EPB41L1: variants seen among roughly 807,000 people sequenced by gnomAD.
EPB41L1 encodes the protein erythrocyte membrane protein band 4.1 like 1, also known as band 4.1-like protein 1.
EPB41L1 carries 29 observed loss-of-function variants against 97.8 expected under a neutral mutation model. The ratio of observed to expected loss-of-function variants is 0.30; its 90% CI spans 0.22 to 0.40. The LOEUF is 0.40. Among genes scored for constraint, EPB41L1 ranks in the 10% least tolerant of loss-of-function variants. The pLI, the probability that EPB41L1 is intolerant of heterozygous loss-of-function variation, is 1.00. For synonymous variants in EPB41L1, 383 were observed against 459.2 expected, an observed-to-expected ratio of 0.83 and a Z score of 2.12; for missense variants, 812 against 1,162.3, an observed-to-expected ratio of 0.70 and a Z score of 4.38.
intron 12 of EPB41L1, 32 bp downstream of exon 12, chr20:36,194,392 CT>C (rs2062094748): frequency 6.3e-7 from 1 of 1,576,896 alleles, no homozygotes; most frequent in African/African-American, 1.4e-5. Context: ...ACTCTCTGCC[CT>C]GGGGATCAGG....
chr20:36,109,651 CAA>C (rs2058322554), intron 1 of EPB41L1: 1 of 152,178 alleles, frequency 6.6e-6, no homozygotes, highest in African/African-American at 2.4e-5. Flanking sequence ...TATGATACCT[CAA>C]GAGATTGCTT....
chr20:36,092,790 C>A lies in EPB41L1; in HGVS notation c.-65+1178C>A. On this transcript the variant is annotated intron_variant, in intron 1 of 19. Transcript: ENST00000202028. The surrounding 1 kb of genome is among the most constrained non-coding windows in gnomAD (Gnocchi z 7.0). ...CCAGGACCGCGAGCCAGACAGCTCCCGGAAGCCGCGCCGCCGCCGCCAGGT... is the reference window on the plus strand; with the variant it reads ...CCAGGACCGCGAGCCAGACAGCTCCAGGAAGCCGCGCCGCCGCCGCCAGGT... 6.5e-6 allele frequency: 1 copy of A among 152,804 alleles called. No homozygotes were observed. Among genetic ancestry groups the A allele is most frequent in the South Asian group, 1.9e-4 (1 of 5,322 alleles). 9.5% of individuals were successfully genotyped at this position (152,804 alleles called of 1,614,324 possible). A position where few individuals can be genotyped will look rare whatever the true frequency, so the allele number is the denominator to read the frequency against.
intron 1 of EPB41L1, among the ~76,000 whole-genome samples, chr20:36,167,242 G>C (rs1036024304): frequency 3.9e-5 from 6 of 152,126 alleles, no homozygotes; most frequent in African/African-American, 1.4e-4. Flanking sequence ...AAGAACAGAC[G>C]GAAAGCCAAT....
chr20:36,141,260 G>A (rs934295420), intron 2 of EPB41L1, among the ~76,000 whole-genome samples: 6 of 152,216 alleles, frequency 3.9e-5, no homozygotes, highest in African/African-American at 1.4e-4. Flanking sequence ...GGAGGGCTAA[G>A]TGAAACATGT....
In EPB41L1 at chr20:36,093,909, TG is replaced by T. The variant is rs2057748223; in HGVS notation, c.-65+2300del. Reference sequence around the variant, plus strand: ...TCACCCGTGCAGGGCTCTGGGTGGGTGGGAAGGTAGGTGGGTAGAAGCTCAG... The same window carrying T: ...TCACCCGTGCAGGGCTCTGGGTGGGTGGAAGGTAGGTGGGTAGAAGCTCAG... On this transcript the variant is annotated intron_variant, in intron 1 of 19. Coordinates refer to the EPB41L1 transcript ENST00000202028. The surrounding 1 kb of genome is among the most constrained non-coding windows in gnomAD (Gnocchi z 5.4). Among the ~76,000 whole-genome samples the T allele has an allele frequency of 6.6e-6, 1 of 150,378 alleles. No homozygotes were observed. Among genetic ancestry groups the T allele is most frequent in the Admixed American group, 6.6e-5 (1 of 15,132 alleles).
chr20:36,113,687 C>T (rs2058494584), intron 2 of EPB41L1: 2 of 152,596 alleles, frequency 1.3e-5, no homozygotes, highest in African/African-American at 4.8e-5. Flanking sequence ...AATCCTCTGT[C>T]CACAGCCACA....
At chr20:36,167,038 C>A (rs2060767047) in intron 1 of EPB41L1, among the ~76,000 whole-genome samples, 2 of 151,908 alleles carry the variant, frequency 1.3e-5, no homozygotes, top group African/African-American at 4.8e-5. Flanking sequence ...TTAACAATGG[C>A]AAAATGAAAC....
intron 2 of EPB41L1, among the ~76,000 whole-genome samples, chr20:36,127,062 C>T (rs1462388191): frequency 6.6e-6 from 1 of 152,184 alleles, no homozygotes; most frequent in Admixed American, 6.5e-5. Context: ...CGGGAGGGCC[C>T]CCGCAGACTG....
Position 36,198,117 on chromosome 20 carries a change from C to T in EPB41L1, c.1668+76C>T, listed in dbSNP as rs2062305851. The T allele has an allele frequency of 3.8e-6, 5 of 1,311,356 alleles. 1 individual carries two copies. The East Asian group carries it at 1.2e-4, about 32-fold the overall frequency. The allele number at this position is 1,311,356 out of a possible 1,614,324, so 81.2% of individuals were successfully genotyped here. ...GGGTTGCTGCATCCTGACTTACACTCATCCTCCACACCAATATGCTTCCCC... is the reference window on the plus strand; with the variant it reads ...GGGTTGCTGCATCCTGACTTACACTTATCCTCCACACCAATATGCTTCCCC... On this transcript the variant is annotated intron_variant, in intron 14 of 21. Transcript: ENST00000338074.
chr20:36,225,206 T>C (rs949623790), intron 21 of EPB41L1, among the ~76,000 whole-genome samples: 2 of 152,258 alleles, frequency 1.3e-5, no homozygotes, highest in Non-Finnish European at 2.9e-5. Flanking sequence ...AGGTTGGCCA[T>C]GGGCGGAGCC....
chr20:36,219,903 CTG>C (rs2063678241), intron 19 of EPB41L1, 59 bp downstream of exon 19: 1 of 1,451,212 alleles, frequency 6.9e-7, no homozygotes, highest in Admixed American at 1.7e-5. Flanking sequence ...AAGGTCATGA[CTG>C]TTGTTCTGCT....
intron 2 of EPB41L1, among the ~76,000 whole-genome samples, chr20:36,125,051 G>T (rs1158563539): frequency 6.6e-6 from 1 of 152,116 alleles, no homozygotes; most frequent in Non-Finnish European, 1.5e-5. Flanking sequence ...TCATTGCTGG[G>T]CCATTAATGT....
Position 36,122,244 on chromosome 20 carries a change from CT to C in EPB41L1, c.-10+9765del, listed in dbSNP as rs1428223181. ...ATAAGTTCCTGGGTCTCTTGCCCAA[CT>C]GACGCAAACAGCCTATAGGTTGAGT... On this transcript the variant is annotated intron_variant, in intron 2 of 19. Coordinates refer to the EPB41L1 transcript ENST00000202028. Among the ~76,000 whole-genome samples the C allele has an allele frequency of 3.3e-5, 5 of 152,340 alleles. No homozygotes were observed. The East Asian group carries it at 9.6e-4, about 29-fold the overall frequency.
intron 2 of EPB41L1, among the ~76,000 whole-genome samples, chr20:36,145,462 T>C: frequency 6.7e-6 from 1 of 149,946 alleles, no homozygotes; most frequent in East Asian, 2.0e-4. Flanking sequence ...TTTAGAATCA[T>C]CCCTGTTTCC....
chr20:36,155,291 G>A (rs2060246989), intron 1 of EPB41L1: 1 of 413,768 alleles, frequency 2.4e-6, no homozygotes, highest in Admixed American at 2.7e-5. Context: ...CTGGGATGCT[G>A]GCGAGCCCTT....
chr20:36,098,345 C>T (rs535430375), intron 1 of EPB41L1, among the ~76,000 whole-genome samples: 8 of 152,314 alleles, frequency 5.3e-5, no homozygotes, highest in Non-Finnish European at 1.0e-4. Context: ...TCATGAAGCA[C>T]GCAAACCAGG....
At chr20:36,198,255 A>C (rs1379805364) in intron 14 of EPB41L1, among the ~76,000 whole-genome samples, 2 of 152,044 alleles carry the variant, frequency 1.3e-5, no homozygotes, top group Non-Finnish European at 2.9e-5. Flanking sequence ...AAACATGAAA[A>C]ACTCAAGACT....
At position 36,232,777 on chromosome 20, in the gene EPB41L1, A is replaced by C. The variant is rs2147273961; in HGVS notation, c.*3437A>C. ...TTGTATACTCAATATAAGTGAAATA[A>C]ATGTGTTTGATGCTGAACCATACTT... is the stretch of plus-strand genomic sequence containing the variant. On this transcript the variant is annotated 3_prime_UTR_variant, in exon 22 of 22. Coordinates refer to ENST00000338074, the MANE Select transcript of EPB41L1 (RefSeq NM_012156.2). The C allele has an allele frequency of 2.6e-6, 1 of 385,416 alleles. No homozygotes were observed. Among genetic ancestry groups the C allele is most frequent in the Admixed American group, 4.6e-5 (1 of 21,574 alleles). The allele number at this position is 385,416 out of a possible 1,614,324, so 23.9% of individuals were successfully genotyped here.
At chr20:36,104,224 G>A (rs1187051899) in intron 1 of EPB41L1, among the ~76,000 whole-genome samples, 3 of 152,174 alleles carry the variant, frequency 2.0e-5, no homozygotes, top group African/African-American at 7.2e-5. Flanking sequence ...CAACAGGCTA[G>A]AGGTGACATT....
Sources: gnomAD v4.1 joint callset for allele counts (sites outside exome capture counted in the v4.1 genomes callset) on GRCh38, gnomAD v4.1.1 for gene constraint, Gnocchi (gnomAD v3.1) non-coding constraint, MANE v1.5 for transcripts, NCBI Gene and HGNC (gene_info 2026-07-23, HGNC 2026-07-21) for gene names.